Variants in ME3 observed in about 807,000 individuals in gnomAD.
ME3 encodes the protein NADP-dependent malic enzyme, mitochondrial.
In ME3, 48 loss-of-function variants were observed where a neutral mutation model predicts 68.9. That is an observed-to-expected ratio of 0.70 (90% CI 0.55 to 0.89). The LOEUF is 0.89. ME3 is among the 40% of genes least tolerant of loss of function. ME3 has a pLI of 0.00. For missense variants in ME3, 675 were observed against 797.4 expected, an observed-to-expected ratio of 0.85 and a Z score of 1.85; for synonymous variants, 320 against 318.8, an observed-to-expected ratio of 1.00 and a Z score of -0.04.
At chr11:86,621,506 T>C (rs1167389895) in intron 2 of ME3, among the ~76,000 whole-genome samples, 1 of 152,118 alleles carries the variant, frequency 6.6e-6, no homozygotes. Context: ...ACTGGTTCCA[T>C]CACTTCAGAA....
At chr11:86,442,051 T>C (rs1008196850) in intron 14 of ME3, among the ~76,000 whole-genome samples, 7 of 152,220 alleles carry the variant, frequency 4.6e-5, no homozygotes, top group African/African-American at 1.7e-4. Context: ...ATGCATTTTC[T>C]GAAATTATTT....
chr11:86,634,371 G>A (rs1938924), intron 2 of ME3, among the ~76,000 whole-genome samples: 29,818 of 152,062 alleles, frequency 0.2, 3,415 homozygotes, highest in East Asian at 0.4. Context: ...TGACATCCTG[G>A]TTGTGAGTAG....
downstream of ME3, among the ~76,000 whole-genome samples, chr11:86,439,291 T>G (rs1948915212): frequency 6.6e-6 from 1 of 152,346 alleles, no homozygotes; most frequent in African/African-American, 2.4e-5. Flanking sequence ...AGCTACATCT[T>G]ATTAATTTTG....
chr11:86,558,955 C>A (rs1957064660), intron 3 of ME3, among the ~76,000 whole-genome samples: 2 of 152,182 alleles, frequency 1.3e-5, no homozygotes, highest in African/African-American at 4.8e-5. Context: ...CTTGTAGCCA[C>A]TGGTCCCTGC....
Position 86,652,645 on chromosome 11 carries a change from A to G in ME3, c.183+19117T>C, listed in dbSNP as rs372779518. On this transcript the variant is annotated intron_variant, in intron 2 of 14. Coordinates refer to ENST00000543262, the Ensembl canonical transcript of ME3. ...GTACCAGCCACTGCAAAAACATGCC[A>G]AAGTGTAAAGACCATCCACGCTAGG... Among the ~76,000 whole-genome samples, 197 of 152,114 alleles carry G rather than the reference A, an allele frequency of 1.3e-3. 3 individuals are homozygous for G. The highest frequency in any genetic ancestry group is 0.012 in the South Asian group (57 of 4,754).
chr11:86,496,521 C>A (rs1952348023), intron 6 of ME3, among the ~76,000 whole-genome samples: 1 of 152,156 alleles, frequency 6.6e-6, no homozygotes, highest in Admixed American at 6.5e-5. Context: ...CTGCAGAATG[C>A]AAATAAGAAT....
At chr11:86,552,730 G>C (rs1245715370) in intron 4 of ME3, among the ~76,000 whole-genome samples, 2 of 152,188 alleles carry the variant, frequency 1.3e-5, no homozygotes. Context: ...CTGCCCTCCA[G>C]CTCCTGAATA....
At chr11:86,588,791 C>G (rs969615312) in intron 2 of ME3, among the ~76,000 whole-genome samples, 1 of 152,142 alleles carries the variant, frequency 6.6e-6, no homozygotes, top group Admixed American at 6.5e-5. Flanking sequence ...CTGGGTTTCC[C>G]TAAGGTTTAC....
chr11:86,658,294 T>C (rs1260898684), intron 2 of ME3, among the ~76,000 whole-genome samples: 1 of 151,966 alleles, frequency 6.6e-6, no homozygotes, highest in Non-Finnish European at 1.5e-5. Context: ...AGCTAATTTT[T>C]GTATTTTTAG....
intron 4 of ME3, among the ~76,000 whole-genome samples, chr11:86,543,459 G>T (rs7948764): frequency 0.14 from 20,546 of 152,114 alleles, 1,651 homozygotes; most frequent in African/African-American, 0.23. Flanking sequence ...GATGGAGGAA[G>T]ATTTACCAAG....
At chr11:86,651,815 C>T (rs912785704) in intron 2 of ME3, among the ~76,000 whole-genome samples, 2 of 152,138 alleles carry the variant, frequency 1.3e-5, no homozygotes, top group Non-Finnish European at 1.5e-5. Flanking sequence ...GGAGGAAGTT[C>T]GAACCCATGG....
intron 2 of ME3, among the ~76,000 whole-genome samples, chr11:86,569,131 C>T (rs1957642152): frequency 6.6e-6 from 1 of 152,166 alleles, no homozygotes; most frequent in African/African-American, 2.4e-5. Context: ...ATTGTGTTCA[C>T]GGGGCAGGGT....
At chr11:86,600,626 C>T (rs1282741776) in intron 2 of ME3, among the ~76,000 whole-genome samples, 1 of 151,700 alleles carries the variant, frequency 6.6e-6, no homozygotes, top group South Asian at 2.1e-4. Flanking sequence ...CAGAACTCTC[C>T]ACCCCAAATC....
chr11:86,546,507 A>C (rs1303587852), intron 4 of ME3, among the ~76,000 whole-genome samples: 1 of 152,250 alleles, frequency 6.6e-6, no homozygotes, highest in Non-Finnish European at 1.5e-5. Flanking sequence ...TGGGTGACAG[A>C]TACGAACAGA....
intron 2 of ME3, among the ~76,000 whole-genome samples, chr11:86,648,765 C>A (rs971729076): frequency 1.4e-4 from 21 of 151,680 alleles, no homozygotes; most frequent in African/African-American, 5.1e-4. Flanking sequence ...ACACATACAC[C>A]CTCCCAAGAA....
rs1406467590 is a variant in ME3, at chr11:86,588,521, T to C, written c.184-28698A>G. The stretch of plus-strand genomic sequence containing the variant: ...GGCTCCTAAGTCAAAGGAGACCCCA[T>C]AGAAAACGCCATATTTCAACCCCAA... On this transcript the variant is annotated intron_variant, in intron 2 of 14. Coordinates refer to ENST00000543262, the Ensembl canonical transcript of ME3. 2.0e-5 allele frequency among the ~76,000 whole-genome samples: 3 copies of C among 152,074 alleles called. No individual in the cohort carries two copies. In the East Asian group the frequency reaches 5.8e-4, roughly 29 times the overall value.
chr11:86,662,550 T>G (rs1428345489), intron 2 of ME3, among the ~76,000 whole-genome samples: 2 of 152,146 alleles, frequency 1.3e-5, no homozygotes, highest in African/African-American at 4.8e-5. Context: ...TGAACTATGA[T>G]TGTGCCACTG....
intron 7 of ME3, among the ~76,000 whole-genome samples, chr11:86,468,901 G>T (rs897107210): frequency 2.0e-5 from 3 of 152,114 alleles, no homozygotes; most frequent in Admixed American, 6.5e-5. Context: ...TGATGTAGGC[G>T]CTGTTTCCAG....
At chr11:86,446,428 C>T in exon 13 of ME3, 1 of 1,614,222 alleles carries the variant, frequency 6.2e-7, no homozygotes, top group South Asian at 1.1e-5. Flanking sequence ...GAATGAAGGT[C>T]TTGCCATCTT....
Sources: allele counts gnomAD v4.1 joint callset (sites outside exome capture counted in the v4.1 genomes callset), GRCh38; gene constraint gnomAD v4.1.1; transcripts MANE v1.5; gene names NCBI Gene and HGNC (gene_info 2026-07-23, HGNC 2026-07-21).